Variants in PDE1C observed in about 807,000 individuals in gnomAD.
The protein encoded by PDE1C is dual specificity calcium/calmodulin-dependent 3',5'-cyclic nucleotide phosphodiesterase 1C.
Under a neutral mutation model 93.1 loss-of-function variants are expected in PDE1C, and 62 were observed. That is an observed-to-expected ratio of 0.67 (90% CI 0.54 to 0.82). PDE1C has a LOEUF of 0.82. Ranked by LOEUF, PDE1C falls within the 40% of genes least tolerant of loss-of-function variation. The probability of loss-of-function intolerance (pLI) is 0.00; values close to 1 mark genes in which losing one functional copy is unlikely to be tolerated. For missense variants in PDE1C, 742 were observed against 884.6 expected (o/e 0.84, Z 2.04); for synonymous variants, 325 against 310.1 (o/e 1.05, Z -0.50).
At chr7:31,789,753 G>T in intron 16 of PDE1C, 2 of 986,240 alleles carry the variant, frequency 2.0e-6, no homozygotes, top group Non-Finnish European at 2.4e-6. Context: ...TCTTTGCGGT[G>T]ATGAATGTCA....
intron 2 of PDE1C, among the ~76,000 whole-genome samples, chr7:32,011,842 G>C (rs1402994622): frequency 6.6e-6 from 1 of 152,148 alleles, no homozygotes; most frequent in Non-Finnish European, 1.5e-5. Flanking sequence ...CTAGAGAAGA[G>C]AAAGCCTATA....
chr7:31,846,308 G>A (rs1299362860), intron 9 of PDE1C, among the ~76,000 whole-genome samples: 1 of 150,106 alleles, frequency 6.7e-6, no homozygotes, highest in South Asian at 2.1e-4. Flanking sequence ...TAGAACAGAG[G>A]CCTCAGAAAT....
chr7:31,652,851 T>C, the PDE1C span: 1 of 1,598,914 alleles, frequency 6.3e-7, no homozygotes, highest in Admixed American at 1.7e-5. Context: ...TTTGTTAACC[T>C]TCATACAAAA....
chr7:31,656,997 T>C, the PDE1C span, among the ~76,000 whole-genome samples: 1 of 150,474 alleles, frequency 6.6e-6, no homozygotes, highest in South Asian at 2.1e-4. Flanking sequence ...CAGACTGAAT[T>C]ATACCACTGG....
intron 2 of PDE1C, among the ~76,000 whole-genome samples, chr7:31,907,317 T>C (rs1045003856): frequency 6.6e-6 from 1 of 152,178 alleles, no homozygotes; most frequent in Non-Finnish European, 1.5e-5. Flanking sequence ...CTCTGAGTTA[T>C]AACTCAGTCT....
chr7:32,326,541 C>T lies in PDE1C; in HGVS notation c.310+101281G>A, dbSNP rs140282495. Among the ~76,000 whole-genome samples the T allele has an allele frequency of 2.0e-5, 3 of 152,154 alleles. No individual in the cohort carries two copies. The East Asian group carries it at 5.8e-4, about 29-fold the overall frequency. On this transcript the variant is annotated intron_variant, in intron 1 of 1. Coordinates refer to the PDE1C transcript ENST00000672256. ...AGGTGAAGAAGGAAAGAGTGGTCAGCTAAGTTTAATGCCTAGGACCGGTCA... is the reference window on the plus strand; with the variant it reads ...AGGTGAAGAAGGAAAGAGTGGTCAGTTAAGTTTAATGCCTAGGACCGGTCA...
At chr7:31,658,252 A>C in the PDE1C span, 14 of 1,486,568 alleles carry the variant, frequency 9.4e-6, no homozygotes, top group Non-Finnish European at 1.2e-5. Context: ...TTGTTTATTT[A>C]ACACATATTC....
chr7:31,822,467 C>A (rs1331009546), intron 14 of PDE1C, among the ~76,000 whole-genome samples: 1 of 152,150 alleles, frequency 6.6e-6, no homozygotes, highest in Non-Finnish European at 1.5e-5. Context: ...CCAAATCATA[C>A]AAATTTCCAT....
intron 1 of PDE1C, among the ~76,000 whole-genome samples, chr7:32,063,061 C>A (rs1298498460): frequency 6.6e-6 from 1 of 152,050 alleles, no homozygotes; most frequent in African/African-American, 2.4e-5. Flanking sequence ...ACAATAAAAG[C>A]CTGAAGAATA....
At chr7:32,384,398 G>A (rs186091965) in intron 1 of PDE1C, among the ~76,000 whole-genome samples, 26 of 152,318 alleles carry the variant, frequency 1.7e-4, no homozygotes, top group African/African-American at 5.3e-4. Flanking sequence ...GAAGTAATTT[G>A]CAAGATAAGG....
At chr7:32,078,209 G>A (rs554401240) in intron 3 of PDE1C, among the ~76,000 whole-genome samples, 1 of 152,166 alleles carries the variant, frequency 6.6e-6, no homozygotes, top group African/African-American at 2.4e-5. Flanking sequence ...CTTTATCCAA[G>A]CTCCTAATTC....
intron 14 of PDE1C, among the ~76,000 whole-genome samples, chr7:31,817,012 T>C (rs1788356384): frequency 6.6e-6 from 1 of 152,192 alleles, no homozygotes; most frequent in African/African-American, 2.4e-5. Context: ...TGAGCAGTTG[T>C]AGCGTTAAGC....
At chr7:31,776,735 G>A (rs1783004356) in intron 16 of PDE1C, among the ~76,000 whole-genome samples, 1 of 151,804 alleles carries the variant, frequency 6.6e-6, no homozygotes, top group Non-Finnish European at 1.5e-5. Flanking sequence ...GGAAGGAAGA[G>A]GCCTGGAAGC....
chr7:32,082,039 C>T (rs1022258121), intron 3 of PDE1C, among the ~76,000 whole-genome samples: 9 of 152,324 alleles, frequency 5.9e-5, no homozygotes, highest in East Asian at 3.9e-4. Flanking sequence ...GCACCATGCG[C>T]GAGCCAAAGC....
rs191535532 is a variant in PDE1C, at chr7:31,965,159, C to T, written c.129-84299G>A. ...AAGGCTTCAGAAGATCAAACTACTC[C>T]GAGCTAAAGGAGGAAGTTCGAACCA... On this transcript the variant is annotated intron_variant, in intron 2 of 17. Coordinates refer to ENST00000396191, the MANE Select transcript of PDE1C (RefSeq NM_001191057.4). 2.9e-3 allele frequency among the ~76,000 whole-genome samples: 444 copies of T among 152,074 alleles called. 3 individuals carry two copies. Among genetic ancestry groups the T allele is most frequent in the African/African-American group, 9.4e-3 (391 of 41,470 alleles).
At chr7:31,730,675 C>T in the PDE1C span, among the ~76,000 whole-genome samples, 126 of 152,270 alleles carry the variant, frequency 8.3e-4, 1 homozygote, top group African/African-American at 2.9e-3. Context: ...GAGGTTGAGT[C>T]GTTTCTGTCC....
intron 2 of PDE1C, among the ~76,000 whole-genome samples, chr7:31,953,934 G>A (rs905102337): frequency 2.0e-5 from 3 of 152,164 alleles, no homozygotes; most frequent in Non-Finnish European, 4.4e-5. Context: ...AATTTAAACC[G>A]TGATGATTGG....
intron 1 of PDE1C, among the ~76,000 whole-genome samples, chr7:32,319,295 C>A (rs556843440): frequency 6.6e-6 from 1 of 152,324 alleles, no homozygotes; most frequent in African/African-American, 2.4e-5. Flanking sequence ...CCTTTCATGG[C>A]GGGCCTTCCA....
At chr7:32,298,523 C>A (rs1812772808) in intron 1 of PDE1C, 3 of 1,176,382 alleles carry the variant, frequency 2.6e-6, no homozygotes, top group Non-Finnish European at 1.2e-6. Flanking sequence ...GGGCTCCCGC[C>A]CGGAGAGCAC....
Sources: allele counts gnomAD v4.1 joint callset (sites outside exome capture counted in the v4.1 genomes callset), GRCh38; gene constraint gnomAD v4.1.1; transcripts MANE v1.5; gene names NCBI Gene and HGNC (gene_info 2026-07-23, HGNC 2026-07-21).